Variants in GALNT18 observed in about 807,000 individuals in gnomAD.
The protein encoded by GALNT18 is polypeptide N-acetylgalactosaminyltransferase 18, also known as GalNAc-transferase 18.
Under a neutral mutation model 69.5 loss-of-function variants are expected in GALNT18, and 44 were observed. The observed-to-expected ratio is 0.63, with a 90% CI of 0.50 to 0.81. The LOEUF is 0.81. Among genes scored for constraint, GALNT18 ranks in the 40% least tolerant of loss-of-function variants. The pLI, the probability that GALNT18 is intolerant of heterozygous loss-of-function variation, is 0.00. For synonymous variants in GALNT18, 364 were observed against 318.2 expected (o/e 1.14, Z -1.53); for missense variants, 715 against 810.0 (o/e 0.88, Z 1.42).
Position 11,465,740 on chromosome 11 carries a change from C to G in GALNT18, c.236-16804G>C, listed in dbSNP as rs1856141360. Among the ~76,000 whole-genome samples, 1 of 152,146 alleles carries G rather than the reference C, an allele frequency of 6.6e-6. No homozygotes were observed. The highest frequency in any genetic ancestry group is 1.5e-5 in the Non-Finnish European group (1 of 68,034). On this transcript the variant is annotated intron_variant, in intron 1 of 10. Transcript: ENST00000227756. This position sits in a 1 kb window ranked among gnomAD's most constrained non-coding sequence, Gnocchi z 5.7. ...CATGGACCTGGGCAAGGTCAGCTGGCTCCATATTAACCTCTTCTCCTCTGC... is the reference window on the plus strand; with the variant it reads ...CATGGACCTGGGCAAGGTCAGCTGGGTCCATATTAACCTCTTCTCCTCTGC...
rs1272303689 is a variant in GALNT18 at position 11,586,946 on chromosome 11, T to C, written c.235+34413A>G. On this transcript the variant is annotated intron_variant, in intron 1 of 10. Coordinates refer to ENST00000227756, the MANE Select transcript of GALNT18 (RefSeq NM_198516.3). The surrounding 1 kb of genome is among the most constrained non-coding windows in gnomAD (Gnocchi z 4.1). The stretch of plus-strand genomic sequence containing the variant: ...GAGGGTGCAGTGAGCCGAGATCGTG[T>C]CAAAGCACTCCAGCCTGGGGAACAA... Among the ~76,000 whole-genome samples, 1 of 152,042 alleles carries C rather than the reference T, an allele frequency of 6.6e-6. No individual in the cohort carries two copies. The highest frequency in any genetic ancestry group is 2.4e-5 in the African/African-American group (1 of 41,394).
intron 1 of GALNT18, among the ~76,000 whole-genome samples, chr11:11,585,708 G>A (rs1859201231): frequency 6.6e-6 from 1 of 151,802 alleles, no homozygotes; most frequent in Non-Finnish European, 1.5e-5. Context: ...CAGGCTGAAT[G>A]CAGAAGTAAA....
Position 11,421,737 on chromosome 11 carries a change from C to T in GALNT18, c.595+10884G>A, listed in dbSNP as rs1270240941. Among the ~76,000 whole-genome samples, 1 of 151,466 alleles carries T rather than the reference C, an allele frequency of 6.6e-6. No individual in the cohort carries two copies. Among genetic ancestry groups the T allele is most frequent in the Non-Finnish European group, 1.5e-5 (1 of 67,984 alleles). ...ACTGGGAAGAAACAATACTTCTCTG[C>T]AGAGTCTCTGCAGAGTCTCTGCAGA... On this transcript the variant is annotated intron_variant, in intron 3 of 10. Transcript: ENST00000227756. This position sits in a 1 kb window ranked among gnomAD's most constrained non-coding sequence, Gnocchi z 5.6.
At chr11:11,579,633 T>C (rs7122955) in intron 1 of GALNT18, among the ~76,000 whole-genome samples, 122,059 of 152,130 alleles carry the variant, frequency 0.8, 49,193 homozygotes, top group East Asian at 0.87. Flanking sequence ...GACTGACACC[T>C]GGAGCTCCTT....
rs544039172 is a variant in GALNT18 at position 11,562,033 on chromosome 11, T to A, written c.235+59326A>T. Among the ~76,000 whole-genome samples, 5 of 152,346 alleles carry A rather than the reference T, an allele frequency of 3.3e-5. No individual in the cohort carries two copies. In the East Asian group the frequency reaches 9.6e-4, roughly 29 times the overall value. ...CTAGCCAGGCCTTCCGAGCACTCCA[T>A]AAACCACACTCCTAACCCTTTCTCT... On this transcript the variant is annotated intron_variant, in intron 1 of 10. Coordinates refer to ENST00000227756, the MANE Select transcript of GALNT18 (RefSeq NM_198516.3). The surrounding 1 kb of genome is among the most constrained non-coding windows in gnomAD (Gnocchi z 4.1).
At chr11:11,379,690 C>T (rs1853863473) in intron 3 of GALNT18, among the ~76,000 whole-genome samples, 1 of 152,236 alleles carries the variant, frequency 6.6e-6, no homozygotes, top group Admixed American at 6.5e-5. Context: ...TGGTCTCCAT[C>T]TCCATCGGTG....
intron 3 of GALNT18, among the ~76,000 whole-genome samples, chr11:11,394,118 A>C (rs1272041878): frequency 6.6e-6 from 1 of 152,212 alleles, no homozygotes; most frequent in Non-Finnish European, 1.5e-5. Flanking sequence ...TGGTTGTCAC[A>C]AGGTGCTATG....
At chr11:11,300,436 A>T (rs1849473765) in intron 9 of GALNT18, among the ~76,000 whole-genome samples, 1 of 152,224 alleles carries the variant, frequency 6.6e-6, no homozygotes, top group Admixed American at 6.5e-5. Flanking sequence ...CCAGGGACTT[A>T]CATTGGAAAG....
intron 6 of GALNT18, among the ~76,000 whole-genome samples, chr11:11,366,249 A>C (rs1381140089): frequency 6.6e-6 from 1 of 152,198 alleles, no homozygotes; most frequent in Non-Finnish European, 1.5e-5. Context: ...AGGTTGAGTC[A>C]GTTTTCTTAG....
chr11:11,297,965 C>G (rs12276583), intron 9 of GALNT18, among the ~76,000 whole-genome samples: 5,676 of 152,320 alleles, frequency 0.037, 307 homozygotes, highest in African/African-American at 0.13. Flanking sequence ...GCATTTTCCT[C>G]TCCTCCAGGC....
chr11:11,368,017 G>A (rs1456262772), intron 6 of GALNT18, among the ~76,000 whole-genome samples: 1 of 152,182 alleles, frequency 6.6e-6, no homozygotes, highest in Non-Finnish European at 1.5e-5. Flanking sequence ...TGTGCTGCTG[G>A]ACACCTGTAA....
chr11:11,455,957 T>C (rs1855916001), intron 1 of GALNT18, among the ~76,000 whole-genome samples: 2 of 152,040 alleles, frequency 1.3e-5, no homozygotes, highest in South Asian at 4.2e-4. Context: ...AGCATGGTGG[T>C]GTACATCTGT....
chr11:11,385,724 T>C (rs991951876), intron 3 of GALNT18, among the ~76,000 whole-genome samples: 2 of 152,116 alleles, frequency 1.3e-5, no homozygotes, highest in Admixed American at 6.5e-5. Context: ...GGGGGAGGAA[T>C]TGGGGCATGA....
chr11:11,569,214 C>T (rs6484998), intron 1 of GALNT18, among the ~76,000 whole-genome samples: 122,247 of 149,632 alleles, frequency 0.82, 49,968 homozygotes, highest in East Asian at 0.88. Context: ...TCTATTTCTC[C>T]AAGGTGATTA....
chr11:11,293,927 C>CAAACACAT (rs1849352066), intron 9 of GALNT18, among the ~76,000 whole-genome samples: 1 of 151,934 alleles, frequency 6.6e-6, no homozygotes, highest in African/African-American at 2.4e-5. Context: ...AGATGTATAA[C>CAAACACAT]AATTTCCATG....
At chr11:11,580,269 T>C (rs7123868) in intron 1 of GALNT18, among the ~76,000 whole-genome samples, 58,254 of 151,982 alleles carry the variant, frequency 0.38, 12,989 homozygotes, top group East Asian at 0.66. Flanking sequence ...AGGGCAAACC[T>C]CATGTGTTCT....
rs1857846028 is a variant in GALNT18 at position 11,538,941 on chromosome 11, C to T, written c.235+82418G>A. 6.6e-6 allele frequency among the ~76,000 whole-genome samples: 1 copy of T among 152,208 alleles called. No individual in the cohort carries two copies. Among genetic ancestry groups the T allele is most frequent in the South Asian group, 2.1e-4 (1 of 4,828 alleles). ...GAGGTGCCCCCCAGATCCCTGGGTG[C>T]CGTGGGCCTCCCTTTTCACTCAGTC... On this transcript the variant is annotated intron_variant, in intron 1 of 10. Coordinates refer to ENST00000227756, the MANE Select transcript of GALNT18 (RefSeq NM_198516.3). This position sits in a 1 kb window ranked among gnomAD's most constrained non-coding sequence, Gnocchi z 5.2.
intron 2 of GALNT18, among the ~76,000 whole-genome samples, chr11:11,443,116 A>C (rs1166412856): frequency 6.6e-6 from 1 of 152,192 alleles, no homozygotes; most frequent in East Asian, 1.9e-4. Flanking sequence ...AAAGAATGTG[A>C]CATGAGTCTG....
At chr11:11,588,101 C>T (rs988757847) in intron 1 of GALNT18, among the ~76,000 whole-genome samples, 1 of 152,092 alleles carries the variant, frequency 6.6e-6, no homozygotes, top group African/African-American at 2.4e-5. Flanking sequence ...TCCATGAAAA[C>T]TTCCCCAAAC....
Sources: gnomAD v4.1 joint callset for allele counts (sites outside exome capture counted in the v4.1 genomes callset) on GRCh38, gnomAD v4.1.1 for gene constraint, Gnocchi (gnomAD v3.1) non-coding constraint, MANE v1.5 for transcripts, NCBI Gene and HGNC (gene_info 2026-07-23, HGNC 2026-07-21) for gene names.